The following MND1 variants were observed in gnomAD, a reference collection of about 807,000 sequenced individuals.
MND1 encodes the protein meiotic nuclear division protein 1 homolog.
MND1 carries 28 observed loss-of-function variants against 35.1 expected under a neutral mutation model. That is an observed-to-expected ratio of 0.80 (90% confidence interval 0.59 to 1.09). The LOEUF (loss-of-function observed/expected upper bound fraction) is 1.09, where lower values mean the gene tolerates loss of function less well. Among genes scored for constraint, MND1 ranks in the 50% least tolerant of loss-of-function variants. The pLI, the probability that MND1 is intolerant of heterozygous loss-of-function variation, is 0.00. For missense variants in MND1, 213 were observed against 239.6 expected (o/e 0.89, Z 0.73); for synonymous variants, 69 against 70.5 (o/e 0.98, Z 0.11).
chr4:153,371,948 G>A (rs1380488397), intron 4 of MND1, among the ~76,000 whole-genome samples: 1 of 151,984 alleles, frequency 6.6e-6, no homozygotes. Flanking sequence ...GCCACTGTAG[G>A]GTTATTAATT....
chr4:153,352,349 C>G, intron 2 of MND1, among the ~76,000 whole-genome samples: 1 of 152,110 alleles, frequency 6.6e-6, no homozygotes, highest in East Asian at 1.9e-4. Context: ...ATTATTTGCC[C>G]GTTGCACTTA....
In MND1 at chr4:153,408,954, A is replaced by C; in HGVS notation, c.467-17A>C. On this transcript the variant is annotated splice_polypyrimidine_tract_variant and intron_variant, in intron 6 of 7. Transcript: ENST00000240488. ...TATATAAATACATTTCATTTTATAT[A>C]TATAATTTTTTTTCAGGCCAAGCAA... is the stretch of plus-strand genomic sequence containing the variant. 3 of 1,098,284 alleles carry C rather than the reference A, an allele frequency of 2.7e-6. No individual in the cohort carries two copies. The highest frequency in any genetic ancestry group is 2.4e-6 in the Non-Finnish European group (2 of 843,038). 68.0% of individuals were successfully genotyped at this position (1,098,284 alleles called of 1,614,324 possible). A position where few individuals can be genotyped will look rare whatever the true frequency, so the allele number is the denominator to read the frequency against.
intron 6 of MND1, among the ~76,000 whole-genome samples, chr4:153,398,272 G>A (rs1212646041): frequency 1.3e-5 from 2 of 152,150 alleles, no homozygotes; most frequent in Non-Finnish European, 2.9e-5. Flanking sequence ...ATAATTTTCT[G>A]TCTTAGCCTG....
At chr4:153,390,903 GTGTGTGTGTGTGTATA>G (rs1446697755) in intron 4 of MND1, among the ~76,000 whole-genome samples, 3 of 136,642 alleles carry the variant, frequency 2.2e-5, no homozygotes, top group African/African-American at 6.1e-5. Flanking sequence ...GTGTGTGTGT[GTGTGTGTGTGTGTATA>G]TGTGTGTGTG....
At chr4:153,414,558 C>T (rs1579965439) in intron 7 of MND1, among the ~76,000 whole-genome samples, 193 bp from the exon 8 acceptor site, 1 of 152,158 alleles carries the variant, frequency 6.6e-6, no homozygotes, top group Admixed American at 6.6e-5. Context: ...GCTGGAATTA[C>T]AGGCATGAGC....
intron 3 of MND1, among the ~76,000 whole-genome samples, chr4:153,356,468 G>A (rs182728631): frequency 7.7e-4 from 114 of 148,892 alleles, no homozygotes; most frequent in Non-Finnish European, 7.0e-4. Flanking sequence ...CAGGAGAATG[G>A]CGTGAACCCA....
chr4:153,347,880 G>T (rs1485009106), intron 1 of MND1, among the ~76,000 whole-genome samples: 1 of 152,170 alleles, frequency 6.6e-6, no homozygotes, highest in Non-Finnish European at 1.5e-5. Context: ...GTTTGAGGTG[G>T]GGTGTGGTGG....
intron 4 of MND1, among the ~76,000 whole-genome samples, chr4:153,369,614 C>T (rs1331657538): frequency 6.6e-6 from 1 of 152,158 alleles, no homozygotes; most frequent in Non-Finnish European, 1.5e-5. Flanking sequence ...AGCATCTGAG[C>T]CTTCTGTGAG....
intron 4 of MND1, among the ~76,000 whole-genome samples, chr4:153,368,758 T>C (rs1384936316): frequency 1.3e-5 from 2 of 152,228 alleles, no homozygotes; most frequent in Admixed American, 6.5e-5. Flanking sequence ...TAAATATTGT[T>C]ATTTGTGGCC....
At chr4:153,378,877 G>A (rs1728582996) in intron 4 of MND1, among the ~76,000 whole-genome samples, 1 of 152,128 alleles carries the variant, frequency 6.6e-6, no homozygotes, top group South Asian at 2.1e-4. Context: ...CAGTATAGTA[G>A]TCAACTTTCT....
intron 4 of MND1, among the ~76,000 whole-genome samples, chr4:153,374,066 CT>C (rs890535050): frequency 6.6e-6 from 1 of 152,132 alleles, no homozygotes; most frequent in African/African-American, 2.4e-5. Context: ...TATCTTAAGC[CT>C]TTTAAAGCCT....
At chr4:153,398,662 G>A (rs1371680226) in intron 6 of MND1, among the ~76,000 whole-genome samples, 1 of 152,214 alleles carries the variant, frequency 6.6e-6, no homozygotes, top group Non-Finnish European at 1.5e-5. Context: ...GCCAGTCATT[G>A]TCTGTAAATT....
chr4:153,362,163 A>G lies in MND1; in HGVS notation c.276+3541A>G, dbSNP rs147595911. On this transcript the variant is annotated intron_variant, in intron 4 of 7. Coordinates refer to ENST00000240488, the MANE Select transcript of MND1 (RefSeq NM_032117.4). ...CAGTTCTGCCTATCCTGTTTTTCCT[A>G]TACTGTTCTATTTCATTATGGCTTC... Among the ~76,000 whole-genome samples the G allele has an allele frequency of 1.2e-4, 18 of 152,120 alleles. No homozygotes were observed. The East Asian group carries it at 2.9e-3, about 24-fold the overall frequency.
At chr4:153,370,452 G>T (rs1221242955) in intron 4 of MND1, among the ~76,000 whole-genome samples, 1 of 152,044 alleles carries the variant, frequency 6.6e-6, no homozygotes, top group East Asian at 1.9e-4. Context: ...ATGGGGGCTG[G>T]AATCAACTTC....
At chr4:153,403,404 C>G (rs1159819070) in intron 6 of MND1, among the ~76,000 whole-genome samples, 1 of 152,164 alleles carries the variant, frequency 6.6e-6, no homozygotes, top group Non-Finnish European at 1.5e-5. Flanking sequence ...GAAAAGAGAA[C>G]CTCTTCATAG....
chr4:153,383,923 C>T (rs1023655161), intron 4 of MND1, among the ~76,000 whole-genome samples: 1 of 152,094 alleles, frequency 6.6e-6, no homozygotes, highest in South Asian at 2.1e-4. Flanking sequence ...TGCAACTTAG[C>T]CCTCATCTCT....
intron 7 of MND1, 136 bp from the exon 8 acceptor site, chr4:153,414,615 T>A: frequency 2.1e-6 from 1 of 472,810 alleles, no homozygotes; most frequent in South Asian, 3.8e-5. Flanking sequence ...CCATTACTCT[T>A]AAAAATACAG....
At chr4:153,387,476 A>C (rs1728901483) in intron 4 of MND1, among the ~76,000 whole-genome samples, 1 of 152,168 alleles carries the variant, frequency 6.6e-6, no homozygotes, top group Non-Finnish European at 1.5e-5. Context: ...TAACGTAAAC[A>C]AGGCCAGGCT....
rs1729792057 is a variant in MND1 at position 153,414,882 on chromosome 4, T to G, written c.*25T>G. On this transcript the variant is annotated 3_prime_UTR_variant, in exon 8 of 8. Transcript: ENST00000240488. Reference sequence around the variant, plus strand: ...AAATATTCCATGGTGGTGAAGGATGTACAAGCTTGTGAATATGTAAATTTT... The same window carrying G: ...AAATATTCCATGGTGGTGAAGGATGGACAAGCTTGTGAATATGTAAATTTT... 9.6e-7 allele frequency: 1 copy of G among 1,038,980 alleles called. No homozygotes were observed. The highest frequency in any genetic ancestry group is 1.4e-6 in the Non-Finnish European group (1 of 713,056). The allele number at this position is 1,038,980 out of a possible 1,614,324, so 64.4% of individuals were successfully genotyped here.
Sources: allele counts gnomAD v4.1 joint callset (sites outside exome capture counted in the v4.1 genomes callset), GRCh38; gene constraint gnomAD v4.1.1; transcripts MANE v1.5; gene names NCBI Gene and HGNC (gene_info 2026-07-23, HGNC 2026-07-21).